The following OXSR1 variants were observed in gnomAD, a reference collection of about 807,000 sequenced individuals.
OXSR1 encodes serine/threonine-protein kinase OSR1.
OXSR1 carries 24 observed loss-of-function variants against 79.8 expected under a neutral mutation model. That is an observed-to-expected ratio of 0.30 (90% CI 0.22 to 0.42). OXSR1 has a LOEUF of 0.42. Ranked by LOEUF, OXSR1 falls within the 10% of genes least tolerant of loss-of-function variation. OXSR1 has a pLI of 1.00. For missense variants in OXSR1, 430 were observed against 618.4 expected (o/e 0.70, Z 3.23); for synonymous variants, 226 against 209.2 (o/e 1.08, Z -0.69).
In OXSR1 at chr3:38,240,861, A is replaced by G. The variant is rs189329222; in HGVS notation, c.1075-1882A>G. Among the ~76,000 whole-genome samples the G allele has an allele frequency of 8.7e-4, 132 of 152,316 alleles. 2 individuals carry two copies. The Middle Eastern group carries it at 0.014, about 16-fold the overall frequency. ...GAGTCTATACCAATAACAAATACAT[A>G]TATAAACAAATGGGGGAAAAGGAAT... is the stretch of plus-strand genomic sequence containing the variant. On this transcript the variant is annotated intron_variant, in intron 11 of 17. Coordinates refer to ENST00000311806, the MANE Select transcript of OXSR1 (RefSeq NM_005109.3).
intron 1 of OXSR1, among the ~76,000 whole-genome samples, chr3:38,179,161 G>A (rs1354041266): frequency 6.6e-6 from 1 of 151,636 alleles, no homozygotes; most frequent in Non-Finnish European, 1.5e-5. Flanking sequence ...CTCCCTAGTA[G>A]CTGGGACTAC....
At chr3:38,237,077 A>G (rs1477454071) in intron 11 of OXSR1, 116 bp downstream of exon 11, 3 of 849,692 alleles carry the variant, frequency 3.5e-6, no homozygotes, top group Non-Finnish European at 1.8e-6. Context: ...CAGCTTATTA[A>G]TAATAGGAGC....
At chr3:38,172,705 T>C (rs1701605162) in intron 1 of OXSR1, among the ~76,000 whole-genome samples, 1 of 152,194 alleles carries the variant, frequency 6.6e-6, no homozygotes, top group South Asian at 2.1e-4. Flanking sequence ...TATTTTTCCA[T>C]TGATTGGGAG....
chr3:38,249,005 T>C (rs1703201034), intron 14 of OXSR1, among the ~76,000 whole-genome samples: 1 of 152,162 alleles, frequency 6.6e-6, no homozygotes. Context: ...TTTCAGGTAG[T>C]ATATACATGC....
At chr3:38,224,465 ATGTT>A (rs1164736642) in intron 7 of OXSR1, 102 bp from the exon 8 acceptor site, 6 of 780,322 alleles carry the variant, frequency 7.7e-6, no homozygotes, top group Middle Eastern at 2.5e-4. Flanking sequence ...AGAAAATAAA[ATGTT>A]TGTATGTTGG....
intron 3 of OXSR1, among the ~76,000 whole-genome samples, chr3:38,192,451 C>A (rs999883722): frequency 6.6e-6 from 1 of 152,114 alleles, no homozygotes; most frequent in Non-Finnish European, 1.5e-5. Context: ...GCTTCCAGAG[C>A]TTGGAAATAT....
At chr3:38,198,690 G>T in intron 3 of OXSR1, 32 bp from the exon 4 acceptor site, 1 of 1,570,088 alleles carries the variant, frequency 6.4e-7, no homozygotes, top group Non-Finnish European at 8.7e-7. Flanking sequence ...ATGATTTAGA[G>T]ATTTTTAGAA....
Position 38,252,809 on chromosome 3 carries a change from G to T in OXSR1, c.1510-8G>T. The T allele has an allele frequency of 1.2e-6, 2 of 1,608,562 alleles. No homozygotes were observed. The highest frequency in any genetic ancestry group is 1.7e-6 in the Non-Finnish European group (2 of 1,175,130). On this transcript the variant is annotated splice_region_variant and splice_polypyrimidine_tract_variant and intron_variant, in intron 17 of 17. Coordinates refer to ENST00000311806, the MANE Select transcript of OXSR1 (RefSeq NM_005109.3). Reference sequence around the variant, plus strand: ...TAATCACAGTTTCTCATTTTGTTTGGTTCTTAGGCATCTGGTGTCGAAGGC... The same window carrying T: ...TAATCACAGTTTCTCATTTTGTTTGTTTCTTAGGCATCTGGTGTCGAAGGC...
intron 4 of OXSR1, among the ~76,000 whole-genome samples, chr3:38,211,150 C>A (rs1213652191): frequency 6.6e-6 from 1 of 152,170 alleles, no homozygotes; most frequent in Non-Finnish European, 1.5e-5. Flanking sequence ...AAAAAGGAGG[C>A]CTAGCACTAT....
intron 5 of OXSR1, among the ~76,000 whole-genome samples, chr3:38,220,416 C>G (rs1323673110): frequency 6.6e-6 from 1 of 151,780 alleles, no homozygotes; most frequent in Non-Finnish European, 1.5e-5. Flanking sequence ...AAATTATGGA[C>G]AAATACAGAC....
chr3:38,247,052 C>T (rs141122712), intron 13 of OXSR1, among the ~76,000 whole-genome samples: 1 of 151,788 alleles, frequency 6.6e-6, no homozygotes, highest in East Asian at 1.9e-4. Flanking sequence ...AGTCATGGCA[C>T]TTACTTCATT....
At chr3:38,201,770 A>C (rs1339780503) in intron 4 of OXSR1, among the ~76,000 whole-genome samples, 2 of 152,056 alleles carry the variant, frequency 1.3e-5, no homozygotes, top group Non-Finnish European at 2.9e-5. Flanking sequence ...AGGCTGAGGC[A>C]GGAGGATCAG....
intron 6 of OXSR1, among the ~76,000 whole-genome samples, chr3:38,223,297 A>AT (rs1029844767): frequency 7.9e-5 from 12 of 151,170 alleles, no homozygotes; most frequent in African/African-American, 1.5e-4. Context: ...AATTAAAACA[A>AT]TTTTTTTTTG....
At chr3:38,190,892 A>G in intron 3 of OXSR1, 53 bp downstream of exon 3, 3 of 975,914 alleles carry the variant, frequency 3.1e-6, no homozygotes, top group Non-Finnish European at 4.9e-6. Flanking sequence ...AAAGTTAGTA[A>G]AAGTTTCCTT....
At chr3:38,192,514 A>G (rs997314918) in intron 3 of OXSR1, among the ~76,000 whole-genome samples, 1 of 152,228 alleles carries the variant, frequency 6.6e-6, no homozygotes, top group African/African-American at 2.4e-5. Flanking sequence ...ATACAAGTTT[A>G]ATATCATGGA....
intron 13 of OXSR1, among the ~76,000 whole-genome samples, chr3:38,247,383 C>T (rs958378346): frequency 6.6e-6 from 1 of 152,048 alleles, no homozygotes; most frequent in African/African-American, 2.4e-5. Context: ...TAGAGGGGAA[C>T]AGGGGTCTCA....
At chr3:38,183,393 TTTTCA>T (rs1245835817) in intron 2 of OXSR1, among the ~76,000 whole-genome samples, 29 of 152,350 alleles carry the variant, frequency 1.9e-4, no homozygotes, top group Admixed American at 1.8e-3. Flanking sequence ...ATTCTTGCTC[TTTTCA>T]TTTAATAATT....
intron 4 of OXSR1, among the ~76,000 whole-genome samples, chr3:38,206,988 C>T (rs1013043884): frequency 6.6e-6 from 1 of 152,128 alleles, no homozygotes; most frequent in Non-Finnish European, 1.5e-5. Context: ...GTAATATTTG[C>T]AATGCACTTA....
At chr3:38,178,772 C>G (rs1440830760) in intron 1 of OXSR1, among the ~76,000 whole-genome samples, 2 of 151,494 alleles carry the variant, frequency 1.3e-5, no homozygotes, top group Non-Finnish European at 1.5e-5. Context: ...GCCACCATAC[C>G]CGGCCTCATG....
Sources: gnomAD v4.1 joint callset for allele counts (sites outside exome capture counted in the v4.1 genomes callset) on GRCh38, gnomAD v4.1.1 for gene constraint, MANE v1.5 for transcripts, NCBI Gene and HGNC (gene_info 2026-07-23, HGNC 2026-07-21) for gene names.